Variants in SLC20A2 observed in about 807,000 individuals in gnomAD.
The protein encoded by SLC20A2 is sodium-dependent phosphate transporter 2.
A neutral mutation model predicts 61.0 loss-of-function variants in SLC20A2; 30 were observed. That is an observed-to-expected ratio of 0.49 (90% CI 0.37 to 0.67). SLC20A2 has a LOEUF of 0.67. Among genes scored for constraint, SLC20A2 ranks in the 30% least tolerant of loss-of-function variants. The pLI, the probability that SLC20A2 is intolerant of heterozygous loss-of-function variation, is 0.00. For synonymous variants in SLC20A2, 351 were observed against 353.3 expected, an observed-to-expected ratio of 0.99 and a Z score of 0.07; for missense variants, 626 against 866.4, an observed-to-expected ratio of 0.72 and a Z score of 3.48.
intron 1 of SLC20A2, among the ~76,000 whole-genome samples, chr8:42,527,969 T>C (rs1812082599): frequency 6.6e-6 from 1 of 152,214 alleles, no homozygotes; most frequent in African/African-American, 2.4e-5. Flanking sequence ...TGTTAACCTC[T>C]GGGTGGTAGA....
At chr8:42,485,254 G>A (rs1330190389) in intron 1 of SLC20A2, among the ~76,000 whole-genome samples, 1 of 152,082 alleles carries the variant, frequency 6.6e-6, no homozygotes, top group African/African-American at 2.4e-5. Context: ...CGGGGTAATG[G>A]ACACAATGCG....
intron 1 of SLC20A2, among the ~76,000 whole-genome samples, chr8:42,497,466 C>A (rs936875282): frequency 6.6e-6 from 1 of 152,056 alleles, no homozygotes; most frequent in African/African-American, 2.4e-5. Context: ...TGTTTCCAGG[C>A]GGTGCTGACG....
rs111990438 is a variant in SLC20A2, at chr8:42,509,065, A to C, written c.-265+32756T>G. Among the ~76,000 whole-genome samples the C allele has an allele frequency of 6.8e-3, 1,037 of 152,334 alleles. 6 individuals are homozygous for C. The highest frequency in any genetic ancestry group is 0.018 in the South Asian group (88 of 4,828). On this transcript the variant is annotated intron_variant, in intron 1 of 10. Coordinates refer to the SLC20A2 transcript ENST00000342228. ...CTCACGGGGTTATTATGAAGACTAAATGAGTTTTTCATTTGTAAAGTATGT... is the reference window on the plus strand; with the variant it reads ...CTCACGGGGTTATTATGAAGACTAACTGAGTTTTTCATTTGTAAAGTATGT...
At chr8:42,515,733 AGT>A (rs1253201682) in intron 1 of SLC20A2, among the ~76,000 whole-genome samples, 24 of 152,198 alleles carry the variant, frequency 1.6e-4, no homozygotes, top group Admixed American at 1.5e-3. Context: ...TAAGACTGCT[AGT>A]GTGTCTTAGA....
intron 1 of SLC20A2, chr8:42,484,494 CATTTT>C (rs1808791664): frequency 6.5e-6 from 1 of 153,222 alleles, no homozygotes. Context: ...AGAGAAAAGA[CATTTT>C]ATAAGATTTC....
intron 2 of SLC20A2, 114 bp downstream of exon 2, chr8:42,471,988 A>C (rs1300695883): frequency 2.4e-5 from 21 of 888,404 alleles, no homozygotes; most frequent in Non-Finnish European, 3.7e-5. Context: ...TGAAACATCC[A>C]ACCAGTTTTT....
At position 42,484,084 on chromosome 8, in the gene SLC20A2, A is replaced by G. The variant is rs540510468; in HGVS notation, c.-264-11430T>C. On this transcript the variant is annotated intron_variant, in intron 1 of 10. Coordinates refer to ENST00000520262, the MANE Select transcript of SLC20A2 (RefSeq NM_001257180.2). ...CTTTCCATGCTCAACTTACAGCCCCATATTTCTTGTTATCATTCCAGAGAT... is the reference window on the plus strand; with the variant it reads ...CTTTCCATGCTCAACTTACAGCCCCGTATTTCTTGTTATCATTCCAGAGAT... 4.3e-3 allele frequency among the ~76,000 whole-genome samples: 662 copies of G among 152,344 alleles called. 6 individuals are homozygous for G. Among genetic ancestry groups the G allele is most frequent in the African/African-American group, 0.015 (638 of 41,578 alleles).
At chr8:42,496,797 T>A (rs984766959) in intron 1 of SLC20A2, among the ~76,000 whole-genome samples, 9 of 152,194 alleles carry the variant, frequency 5.9e-5, no homozygotes, top group African/African-American at 1.7e-4. Flanking sequence ...GGTCCAACTT[T>A]CCTTGCAGCC....
chr8:42,431,704 G>A (rs761700936), intron 8 of SLC20A2, among the ~76,000 whole-genome samples: 1 of 152,206 alleles, frequency 6.6e-6, no homozygotes, highest in Admixed American at 6.5e-5. Context: ...CTTCTCAGAG[G>A]CTAATGCAGC....
At chr8:42,515,132 T>G (rs545587844) in intron 1 of SLC20A2, among the ~76,000 whole-genome samples, 32 of 152,204 alleles carry the variant, frequency 2.1e-4, no homozygotes, top group Non-Finnish European at 4.3e-4. Context: ...CTGAAGAACC[T>G]GAGATTTACA....
Position 42,472,126 on chromosome 8 carries a change from C to T in SLC20A2, c.265G>A (p.Ala89Thr). The T allele has an allele frequency of 6.2e-7, 1 of 1,613,332 alleles. No homozygotes were observed. Among genetic ancestry groups the T allele is most frequent in the South Asian group, 1.1e-5 (1 of 91,038 alleles). Residue 89 changes from alanine (A) to threonine (T), a missense_variant, in exon 2 of 11, where the codon GCT (alanine) becomes ACT (threonine). By Grantham distance (58) the Ala-to-Thr change is moderately conservative. Transcript: ENST00000520262. This position sits in a 1 kb window ranked among gnomAD's most constrained non-coding sequence, Gnocchi z 4.1. Reference sequence around the variant, plus strand: ...CCAACCATGGCACTAACTTCCCCAGCCATGAGAGTCTCCACCGTCTCGTTG... The same window carrying T: ...CCAACCATGGCACTAACTTCCCCAGTCATGAGAGTCTCCACCGTCTCGTTG... ...LYNETVETLM[A>T]GEVSAMVGSA... is the part of the protein sequence containing the mutation.
chr8:42,439,158 T>TC (rs1804566588), intron 7 of SLC20A2, among the ~76,000 whole-genome samples: 1 of 152,216 alleles, frequency 6.6e-6, no homozygotes, highest in African/African-American at 2.4e-5. Context: ...GGCATGGAGA[T>TC]CTGCATATGT....
chr8:42,528,769 C>A (rs1043958332), intron 1 of SLC20A2, among the ~76,000 whole-genome samples: 1 of 151,786 alleles, frequency 6.6e-6, no homozygotes, highest in South Asian at 2.1e-4. Context: ...TGGGTTCAAG[C>A]GATTCTCCTG....
chr8:42,459,452 T>G (rs1806532007), intron 5 of SLC20A2, among the ~76,000 whole-genome samples: 1 of 152,088 alleles, frequency 6.6e-6, no homozygotes, highest in Non-Finnish European at 1.5e-5. Flanking sequence ...ATTGCTGATG[T>G]GTGGACTGTC....
intron 1 of SLC20A2, among the ~76,000 whole-genome samples, chr8:42,533,682 G>T (rs192540605): frequency 4.6e-4 from 16 of 34,506 alleles, no homozygotes; most frequent in Admixed American, 3.7e-3. Flanking sequence ...TTTTTGAGAC[G>T]GGAGTCTTAC....
chr8:42,421,532 C>A (rs1185412500), intron 10 of SLC20A2, among the ~76,000 whole-genome samples: 2 of 152,146 alleles, frequency 1.3e-5, no homozygotes, highest in African/African-American at 2.4e-5. Flanking sequence ...CGGCCGGGTG[C>A]GGTGGCTCAT....
intron 1 of SLC20A2, among the ~76,000 whole-genome samples, chr8:42,533,224 T>C (rs1049794873): frequency 6.6e-6 from 1 of 152,210 alleles, no homozygotes; most frequent in Non-Finnish European, 1.5e-5. Flanking sequence ...AAAAAATTGT[T>C]GATGAGGTTA....
intron 1 of SLC20A2, among the ~76,000 whole-genome samples, chr8:42,497,246 G>C (rs1418929158): frequency 6.6e-6 from 1 of 152,180 alleles, no homozygotes; most frequent in African/African-American, 2.4e-5. Context: ...CCCATGTTTA[G>C]ATGACTTCAG....
In SLC20A2 at chr8:42,522,088, T is replaced by C. The variant is rs1182256021; in HGVS notation, c.-265+19733A>G. The stretch of plus-strand genomic sequence containing the variant: ...CCCATTTAGGAGACATAAACCATTT[T>C]TCCTAACCTAAGTGAAGGTACAAGC... On this transcript the variant is annotated intron_variant, in intron 1 of 10. Transcript: ENST00000342228. Among the ~76,000 whole-genome samples the C allele has an allele frequency of 9.9e-5, 12 of 121,316 alleles. 2 individuals are homozygous for C. Among genetic ancestry groups the C allele is most frequent in the African/African-American group, 2.5e-4 (10 of 39,528 alleles). The allele number at this position is 121,316 out of a possible 152,430, so 79.6% of individuals were successfully genotyped here. A position where few individuals can be genotyped will look rare whatever the true frequency, so the allele number is the denominator to read the frequency against.
Sources: allele counts gnomAD v4.1 joint callset (sites outside exome capture counted in the v4.1 genomes callset), GRCh38; gene constraint gnomAD v4.1.1; non-coding constraint Gnocchi (gnomAD v3.1); transcripts MANE v1.5; gene names NCBI Gene and HGNC (gene_info 2026-07-23, HGNC 2026-07-21).